Variants in PAK5 observed in about 807,000 individuals in gnomAD.
PAK5 encodes the protein p21 (RAC1) activated kinase 5.
Under a neutral mutation model 65.9 loss-of-function variants are expected in PAK5, and 16 were observed. That is an observed-to-expected ratio of 0.24 (90% CI 0.16 to 0.37). The LOEUF (loss-of-function observed/expected upper bound fraction) is 0.37. PAK5 is among the 10% of genes least tolerant of loss of function. PAK5 has a pLI of 1.00. For synonymous variants in PAK5, 371 were observed against 354.9 expected (o/e 1.05, Z -0.51); for missense variants, 785 against 903.9 (o/e 0.87, Z 1.69).
intron 1 of PAK5, among the ~76,000 whole-genome samples, chr20:9,805,390 A>G (rs2049219388): frequency 6.6e-6 from 1 of 152,210 alleles, no homozygotes. Flanking sequence ...AGAAAACTGA[A>G]AACTTACGTT....
At chr20:9,604,280 G>T (rs547273036) in intron 3 of PAK5, among the ~76,000 whole-genome samples, 1 of 152,198 alleles carries the variant, frequency 6.6e-6, no homozygotes. Flanking sequence ...ATGTCATTAG[G>T]GGGAAGGTGC....
intron 2 of PAK5, among the ~76,000 whole-genome samples, chr20:9,680,884 AAGAATGTGTATT>A (rs2047640765): frequency 6.6e-6 from 1 of 152,190 alleles, no homozygotes; most frequent in Non-Finnish European, 1.5e-5. Flanking sequence ...TCCACTTCAG[AAGAATGTGTATT>A]CTGCAATTGT....
At chr20:9,679,309 T>C (rs77477806) in intron 2 of PAK5, among the ~76,000 whole-genome samples, 203 of 152,260 alleles carry the variant, frequency 1.3e-3, no homozygotes, top group African/African-American at 4.5e-3. Flanking sequence ...CATAGGTAGT[T>C]TAAGTTTTGG....
At chr20:9,822,990 C>T (rs895006637) in intron 1 of PAK5, among the ~76,000 whole-genome samples, 2 of 152,214 alleles carry the variant, frequency 1.3e-5, no homozygotes, top group African/African-American at 2.4e-5. Context: ...GTACATGTCC[C>T]TCTGAAATTC....
At chr20:9,559,573 C>A (rs2045561682) in intron 6 of PAK5, among the ~76,000 whole-genome samples, 1 of 152,234 alleles carries the variant, frequency 6.6e-6, no homozygotes, top group East Asian at 1.9e-4. Flanking sequence ...ACCAGCCTGG[C>A]CAACATGGTG....
chr20:9,616,428 G>A (rs1047655315), intron 3 of PAK5, among the ~76,000 whole-genome samples: 1 of 152,168 alleles, frequency 6.6e-6, no homozygotes, highest in African/African-American at 2.4e-5. Context: ...CTGGAAACAC[G>A]GCAAAGACAA....
chr20:9,798,161 A>AG (rs2049127142), intron 1 of PAK5, among the ~76,000 whole-genome samples: 1 of 152,162 alleles, frequency 6.6e-6, no homozygotes, highest in African/African-American at 2.4e-5. Context: ...ACCAGTTATT[A>AG]GGGAATAGAA....
intron 2 of PAK5, among the ~76,000 whole-genome samples, chr20:9,680,467 C>T (rs887050016): frequency 2.6e-5 from 4 of 152,140 alleles, no homozygotes; most frequent in African/African-American, 7.2e-5. Context: ...AACTGGAGCT[C>T]GGTCCTGATG....
chr20:9,648,604 G>A (rs1321895369), intron 2 of PAK5, among the ~76,000 whole-genome samples: 1 of 151,918 alleles, frequency 6.6e-6, no homozygotes, highest in African/African-American at 2.4e-5. Flanking sequence ...TTTTTTTCTA[G>A]GATATGCATC....
chr20:9,768,593 G>A (rs1211033490), intron 1 of PAK5, among the ~76,000 whole-genome samples: 1 of 152,004 alleles, frequency 6.6e-6, no homozygotes, highest in Non-Finnish European at 1.5e-5. Context: ...AACCAGCCTG[G>A]CCAACATGGC....
rs2045675657 is a variant in PAK5 at position 9,566,195 on chromosome 20, A to G, written c.1180T>C (p.Tyr394His). 1.9e-6 allele frequency: 3 copies of G among 1,613,688 alleles called. No homozygotes were observed. The highest frequency in any genetic ancestry group is 2.5e-6 in the Non-Finnish European group (3 of 1,179,926). ...HHPSLQSSSQ[Y>H]ISTASYLSSL... is the part of the protein sequence containing the mutation. The stretch of plus-strand genomic sequence containing the variant: ...CTCAGGTAGGAAGCCGTGGAGATGT[A>G]CTGCGAACTGCTCTGCAGGGAGGGG... Residue 394 changes from tyrosine to histidine, a missense_variant, in exon 5 of 10, where the codon TAC (tyrosine) becomes CAC (histidine). This residue lies in a region of PAK5 where 422 missense variants were observed against 413.3 expected (regional missense o/e 1.02). Transcript: ENST00000353224.
chr20:9,760,973 C>T (rs2048693298), intron 1 of PAK5, among the ~76,000 whole-genome samples: 1 of 151,998 alleles, frequency 6.6e-6, no homozygotes, highest in Non-Finnish European at 1.5e-5. Context: ...AATTACAGGG[C>T]CTGTTCTAAG....
At chr20:9,760,599 T>C (rs1174314736) in intron 1 of PAK5, among the ~76,000 whole-genome samples, 1 of 151,846 alleles carries the variant, frequency 6.6e-6, no homozygotes, top group Non-Finnish European at 1.5e-5. Flanking sequence ...AAAATGTATA[T>C]TTGAGTTTAG....
intron 3 of PAK5, among the ~76,000 whole-genome samples, chr20:9,597,184 A>G (rs752877271): frequency 4.6e-5 from 7 of 152,172 alleles, no homozygotes; most frequent in Admixed American, 2.0e-4. Flanking sequence ...TGCTGGGGCT[A>G]TGGTCCTTAT....
rs1345767097 is a variant in PAK5 at position 9,676,469 on chromosome 20, G to A, written c.-11-32130C>T. ...TTTCTACAGAAAGAAAAATAAGAGA[G>A]AGTTTAGTAGGATCCTATTCCTGGG... On this transcript the variant is annotated intron_variant, in intron 2 of 9. Transcript: ENST00000353224. Among the ~76,000 whole-genome samples the A allele has an allele frequency of 8.5e-5, 13 of 152,260 alleles. No homozygotes were observed. In the East Asian group the frequency reaches 2.5e-3, roughly 29 times the overall value.
At chr20:9,658,631 G>A (rs1018292708) in intron 2 of PAK5, among the ~76,000 whole-genome samples, 3 of 152,156 alleles carry the variant, frequency 2.0e-5, no homozygotes, top group Non-Finnish European at 4.4e-5. Context: ...GATTATGTTT[G>A]CAAACGACCA....
chr20:9,755,574 G>C (rs1335399691), intron 1 of PAK5, among the ~76,000 whole-genome samples: 2 of 152,174 alleles, frequency 1.3e-5, no homozygotes, highest in Non-Finnish European at 2.9e-5. Context: ...CTGACAGCCT[G>C]TGGGGAAGAG....
At chr20:9,543,976 T>G (rs944799688) in intron 8 of PAK5, among the ~76,000 whole-genome samples, 8 of 152,318 alleles carry the variant, frequency 5.3e-5, no homozygotes, top group Middle Eastern at 3.4e-3. Flanking sequence ...TCACCTCTAT[T>G]TTGTGGCACT....
chr20:9,624,773 C>A (rs2046819820), intron 3 of PAK5, among the ~76,000 whole-genome samples: 1 of 151,818 alleles, frequency 6.6e-6, no homozygotes, highest in Non-Finnish European at 1.5e-5. Context: ...CTCAGATCAC[C>A]CAGTCTGTAA....
Sources: allele counts gnomAD v4.1 joint callset (sites outside exome capture counted in the v4.1 genomes callset), GRCh38; gene constraint gnomAD v4.1.1; regional missense constraint gnomAD v4.1.1; transcripts MANE v1.5; gene names NCBI Gene and HGNC (gene_info 2026-07-23, HGNC 2026-07-21).